The following AGTPBP1 variants were observed in gnomAD, a reference collection of about 807,000 sequenced individuals.
AGTPBP1 encodes the protein ATP/GTP binding carboxypeptidase 1.
A neutral mutation model predicts 143.9 loss-of-function variants in AGTPBP1; 70 were observed. The ratio of observed to expected loss-of-function variants is 0.49; its 90% CI spans 0.40 to 0.59. AGTPBP1 has a LOEUF of 0.59. Among genes scored for constraint, AGTPBP1 ranks in the 20% least tolerant of loss-of-function variants. AGTPBP1 has a pLI of 0.00. For synonymous variants in AGTPBP1, 463 were observed against 500.2 expected, an observed-to-expected ratio of 0.93 and a Z score of 0.99; for missense variants, 1,229 against 1,464.5, an observed-to-expected ratio of 0.84 and a Z score of 2.62.
chr9:85,634,555 AG>A (rs746897789), intron 13 of AGTPBP1, among the ~76,000 whole-genome samples: 1 of 152,200 alleles, frequency 6.6e-6, no homozygotes, highest in Non-Finnish European at 1.5e-5. Flanking sequence ...AAGCCATGAC[AG>A]GGAGGGATGC....
the AGTPBP1 span, among the ~76,000 whole-genome samples, chr9:85,774,501 A>C: frequency 6.6e-6 from 1 of 152,166 alleles, no homozygotes; most frequent in South Asian, 2.1e-4. Flanking sequence ...GCATTAAAGT[A>C]ATATCTTGGG....
At chr9:85,715,957 CATG>C (rs1274619427) in intron 1 of AGTPBP1, among the ~76,000 whole-genome samples, 2 of 152,158 alleles carry the variant, frequency 1.3e-5, no homozygotes, top group African/African-American at 4.8e-5. Flanking sequence ...ACCATAAAAT[CATG>C]ATATTTCTGT....
the AGTPBP1 span, chr9:85,781,455 G>C: frequency 7.5e-7 from 1 of 1,336,404 alleles, no homozygotes. Context: ...TTTACCAATT[G>C]ATTGGGTTAT....
At chr9:85,781,426 C>A in the AGTPBP1 span, 26 of 1,395,550 alleles carry the variant, frequency 1.9e-5, no homozygotes, top group Admixed American at 6.7e-4. Flanking sequence ...TGAAGTCATG[C>A]CAGCTTTGTA....
chr9:85,570,690 C>T (rs1464588558), intron 25 of AGTPBP1, among the ~76,000 whole-genome samples: 2 of 152,172 alleles, frequency 1.3e-5, no homozygotes, highest in Non-Finnish European at 2.9e-5. Context: ...GATTCTAGCT[C>T]AACACTCTGC....
At chr9:85,582,665 G>A (rs2133131031) in intron 23 of AGTPBP1, among the ~76,000 whole-genome samples, 1 of 151,960 alleles carries the variant, frequency 6.6e-6, no homozygotes, top group East Asian at 1.9e-4. Context: ...GGGTGACAGA[G>A]TGAGACTCCA....
At chr9:85,592,798 A>T (rs1234779181) in intron 18 of AGTPBP1, 94 bp from the exon 19 acceptor site, 2 of 1,464,310 alleles carry the variant, frequency 1.4e-6, no homozygotes, top group African/African-American at 2.9e-5. Flanking sequence ...GGGAAAAAAG[A>T]AAAACCCGAG....
chr9:85,589,639 T>A lies in AGTPBP1; in HGVS notation c.2611A>T (p.Ile871Phe). The change falls in exon 20 of 26, where the codon ATC becomes TTC. Residue 871 changes from isoleucine to phenylalanine, a missense_variant. By Grantham distance (21) the Ile-to-Phe change is conservative. Around this residue, in one of 2 missense-constraint regions of AGTPBP1, gnomAD observed 486 missense variants for 652.3 expected, o/e 0.75. Transcript: ENST00000357081. ...KLESAHNPQQ[I>F]YFRKDVLCET... Reference sequence around the variant, plus strand: ...CATAACACATCTTTCCGAAAATAGATTTGCTGAGGATTGTGTGCTGATTCC... The same window carrying A: ...CATAACACATCTTTCCGAAAATAGAATTGCTGAGGATTGTGTGCTGATTCC... 6.2e-7 allele frequency: 1 copy of A among 1,613,158 alleles called. No homozygotes were observed. Among genetic ancestry groups the A allele is most frequent in the Non-Finnish European group, 8.5e-7 (1 of 1,179,550 alleles).
chr9:85,733,416 T>C (rs775079979), intron 1 of AGTPBP1, among the ~76,000 whole-genome samples: 3 of 151,884 alleles, frequency 2.0e-5, no homozygotes, highest in Middle Eastern at 6.8e-3. Flanking sequence ...AACCAGAAAA[T>C]AGACACAAAT....
intron 8 of AGTPBP1, among the ~76,000 whole-genome samples, chr9:85,666,700 A>ATTTTT (rs1834154581): frequency 6.6e-6 from 1 of 152,102 alleles, no homozygotes; most frequent in Non-Finnish European, 1.5e-5. Flanking sequence ...TTCCCCTGGA[A>ATTTTT]ACATTTTATA....
chr9:85,655,443 TA>T, intron 10 of AGTPBP1, 123 bp from the exon 11 acceptor site: 1 of 823,972 alleles, frequency 1.2e-6, no homozygotes, highest in Non-Finnish European at 1.8e-6. Flanking sequence ...CAAAAACCAA[TA>T]TTTTAACACA....
At chr9:85,754,342 C>G in the AGTPBP1 span, among the ~76,000 whole-genome samples, 3 of 152,184 alleles carry the variant, frequency 2.0e-5, no homozygotes, top group African/African-American at 7.2e-5. Context: ...AGGTGCCCAC[C>G]ACCATGCCCG....
the AGTPBP1 span, among the ~76,000 whole-genome samples, chr9:85,802,725 G>A: frequency 7.2e-5 from 11 of 152,304 alleles, no homozygotes; most frequent in East Asian, 1.9e-3. Flanking sequence ...AGGTCAGTGG[G>A]TAGCTCTCCT....
intron 17 of AGTPBP1, among the ~76,000 whole-genome samples, chr9:85,603,878 A>G (rs1368567722): frequency 6.6e-6 from 1 of 151,818 alleles, no homozygotes; most frequent in African/African-American, 2.4e-5. Flanking sequence ...ATGGTGATGG[A>G]TATGGGAAAA....
chr9:85,564,833 A>G (rs1005812961), intron 25 of AGTPBP1, among the ~76,000 whole-genome samples: 1 of 152,236 alleles, frequency 6.6e-6, no homozygotes, highest in South Asian at 2.1e-4. Flanking sequence ...TTTGGACTTT[A>G]AACTTTTGAG....
chr9:85,799,673 G>A, the AGTPBP1 span, among the ~76,000 whole-genome samples: 1 of 152,050 alleles, frequency 6.6e-6, no homozygotes, highest in East Asian at 1.9e-4. Context: ...GTACCACCAG[G>A]CCCAGCCAAT....
At chr9:85,664,548 A>G (rs921299886) in intron 8 of AGTPBP1, among the ~76,000 whole-genome samples, 21 of 152,248 alleles carry the variant, frequency 1.4e-4, no homozygotes, top group Middle Eastern at 6.8e-3. Context: ...CATTCTCATC[A>G]AACTGTACAC....
In AGTPBP1 at chr9:85,741,887, C is replaced by A; in HGVS notation, c.-146G>T. On this transcript the variant is annotated 5_prime_UTR_variant, in exon 1 of 26. Coordinates refer to ENST00000357081, the MANE Select transcript of AGTPBP1 (RefSeq NM_001330701.2). ...CCGCCCGGTGTTTTCATACAAACCC[C>A]GGTGGCAGGCGAGGCGGAGGCGGCG... 7.3e-7 allele frequency: 1 copy of A among 1,370,612 alleles called. No homozygotes were observed. Among genetic ancestry groups the A allele is most frequent in the Non-Finnish European group, 9.4e-7 (1 of 1,063,208 alleles). 84.9% of individuals were successfully genotyped at this position (1,370,612 alleles called of 1,614,324 possible). A position where few individuals can be genotyped will look rare whatever the true frequency, so the allele number is the denominator to read the frequency against.
intron 14 of AGTPBP1, among the ~76,000 whole-genome samples, chr9:85,623,081 G>T (rs936140286): frequency 6.6e-6 from 1 of 152,100 alleles, no homozygotes; most frequent in South Asian, 2.1e-4. Context: ...GGCCCGACAG[G>T]GGCCAGCAGG....
Sources: allele counts gnomAD v4.1 joint callset (sites outside exome capture counted in the v4.1 genomes callset), GRCh38; gene constraint gnomAD v4.1.1; regional missense constraint gnomAD v4.1.1; transcripts MANE v1.5; gene names NCBI Gene and HGNC (gene_info 2026-07-23, HGNC 2026-07-21).